Variants in YJEFN3 observed in about 807,000 individuals in gnomAD.
The protein encoded by YJEFN3 is YjeF N-terminal domain containing 3.
In YJEFN3, 29 loss-of-function variants were observed where a neutral mutation model predicts 31.5. The ratio of observed to expected loss-of-function variants is 0.92; its 90% CI spans 0.69 to 1.26. The LOEUF is 1.26. Among genes scored for constraint, YJEFN3 ranks in the 50% most tolerant of loss-of-function variants. The pLI, the probability that YJEFN3 is intolerant of heterozygous loss-of-function variation, is 0.00. For synonymous variants in YJEFN3, 227 were observed against 196.1 expected (o/e 1.16, Z -1.32); for missense variants, 442 against 425.4 (o/e 1.04, Z -0.34).
At chr19:19,530,115 G>C (rs1321790036) in intron 2 of YJEFN3, among the ~76,000 whole-genome samples, 1 of 152,170 alleles carries the variant, frequency 6.6e-6, no homozygotes, top group African/African-American at 2.4e-5. Context: ...TGGCCACCCT[G>C]GCCTGAGGTT....
Position 19,529,417 on chromosome 19 carries a change from C to G in YJEFN3, c.113C>G (p.Ser38Ter). 6.2e-7 allele frequency: 1 copy of G among 1,614,164 alleles called. No individual in the cohort carries two copies. Among genetic ancestry groups the G allele is most frequent in the Non-Finnish European group, 8.5e-7 (1 of 1,180,018 alleles). The change falls in exon 2 of 7, where the codon TCA (serine) becomes TGA (stop). Residue 38 changes from serine (S) to a stop codon, truncating the protein, a stop_gained. Coordinates refer to ENST00000514277, the MANE Select transcript of YJEFN3 (RefSeq NM_198537.4). LOFTEE classifies it high-confidence loss of function. ...GACATGGGAAGAGCGGAGCTTAGCTCAAATGCTACCACCTCCCTTGTCCAG... is the reference window on the plus strand; with the variant it reads ...GACATGGGAAGAGCGGAGCTTAGCTGAAATGCTACCACCTCCCTTGTCCAG... The part of the protein sequence containing the change: ...LADMGRAELS[S>*]NATTSLVQRR...
Position 19,537,346 on chromosome 19 carries a change from C to T in YJEFN3, c.722C>T (p.Ser241Leu), listed in dbSNP as rs200289592. Residue 241 changes from serine (S) to leucine (L), a missense_variant, in exon 7 of 7, where the codon TCG (serine) becomes TTG (leucine). Ser to Leu is a moderately radical substitution (Grantham distance 145). Coordinates refer to ENST00000514277, the MANE Select transcript of YJEFN3 (RefSeq NM_198537.4). ...TGGGACGCAGAGACCGGCAGCGATT[C>T]GGAGGACGGGCTGCGGCCTGACGTG... is the stretch of plus-strand genomic sequence containing the variant. ...SGWDAETGSD[S>L]EDGLRPDVLV... is the part of the protein sequence containing the mutation. 9.0e-4 allele frequency: 1,434 copies of T among 1,595,684 alleles called. 2 individuals carry two copies. Among genetic ancestry groups the T allele is most frequent in the Middle Eastern group, 2.2e-3 (13 of 6,034 alleles).
intron 6 of YJEFN3, 48 bp from the exon 7 acceptor site, chr19:19,537,271 G>GCAGGC (rs1568367112): frequency 9.4e-6 from 14 of 1,496,214 alleles, no homozygotes; most frequent in Non-Finnish European, 1.3e-5. Flanking sequence ...TAGGCTGAGG[G>GCAGGC]CAGGCCACCC....
At chr19:19,531,893 C>G (rs962406168) in intron 2 of YJEFN3, among the ~76,000 whole-genome samples, 14 of 151,848 alleles carry the variant, frequency 9.2e-5, no homozygotes, top group African/African-American at 3.1e-4. Flanking sequence ...CACCCACCAC[C>G]ATGCCTGGCT....
chr19:19,532,158 A>T (rs1452361700), intron 2 of YJEFN3, among the ~76,000 whole-genome samples: 1 of 151,930 alleles, frequency 6.6e-6, no homozygotes, highest in African/African-American at 2.4e-5. Context: ...AGCCTTAAAA[A>T]CCCATGGACC....
At chr19:19,532,597 G>A in intron 2 of YJEFN3, 35 bp from the exon 3 acceptor site, 1 of 1,406,328 alleles carries the variant, frequency 7.1e-7, no homozygotes, top group South Asian at 1.3e-5. Context: ...CTGTCTCTGT[G>A]TGTCTCTGAG....
At chr19:19,529,983 A>T (rs2144653808) in intron 2 of YJEFN3, among the ~76,000 whole-genome samples, 1 of 152,274 alleles carries the variant, frequency 6.6e-6, no homozygotes, top group East Asian at 1.9e-4. Flanking sequence ...CCCCAGGCTC[A>T]TGTTGAGTTT....
intron 3 of YJEFN3, chr19:19,533,654 T>C: frequency 1.0e-6 from 1 of 985,176 alleles, no homozygotes; most frequent in African/African-American, 1.7e-5. Context: ...CCTCCTCTTT[T>C]TCTTCTTATT....
In YJEFN3 at chr19:19,532,664, TGCTGGAGGATTATC is replaced by T; in HGVS notation, c.246_259del (p.Glu83TrpfsTer13). Reference sequence around the variant, plus strand: ...GAGGCAGCCGCCCTGGAGCGGGAGCTGCTGGAGGATTATCGCTTTGGGCGGCAGCAGCTCGTGGA... The same window carrying T: ...GAGGCAGCCGCCCTGGAGCGGGAGCTGCTTTGGGCGGCAGCAGCTCGTGGA... On this transcript the variant is annotated frameshift_variant, in exon 3 of 7. Coordinates refer to ENST00000514277, the MANE Select transcript of YJEFN3 (RefSeq NM_198537.4). LOFTEE classifies it high-confidence loss of function. The T allele has an allele frequency of 1.3e-6, 2 of 1,568,826 alleles. No individual in the cohort carries two copies. The highest frequency in any genetic ancestry group is 1.7e-6 in the Non-Finnish European group (2 of 1,163,454).
chr19:19,528,977 G>C lies in YJEFN3; in HGVS notation c.45G>C (p.Glu15Asp). ...CAGACCCGTCGGAGGCGCCCGAAGAGCGGCATTTCCTCAGGTCAGCTGGGG... is the reference window on the plus strand; with the variant it reads ...CAGACCCGTCGGAGGCGCCCGAAGACCGGCATTTCCTCAGGTCAGCTGGGG... ...AGPDPSEAPE[E>D]RHFLRALELQ... is the part of the protein sequence containing the mutation. The change falls in exon 1 of 7, where the codon GAG becomes GAC. Residue 15 changes from glutamate to aspartate, a missense_variant. Glu to Asp is a conservative substitution (Grantham distance 45, BLOSUM62 2). Transcript: ENST00000514277. 1 of 1,550,636 alleles carries C rather than the reference G, an allele frequency of 6.4e-7. No homozygotes were observed. The highest frequency in any genetic ancestry group is 8.7e-7 in the Non-Finnish European group (1 of 1,146,842).
chr19:19,529,781 G>A (rs2061136365), intron 2 of YJEFN3, among the ~76,000 whole-genome samples: 1 of 152,168 alleles, frequency 6.6e-6, no homozygotes, highest in African/African-American at 2.4e-5. Flanking sequence ...GCTAAGTGAG[G>A]GGAGTGAGGG....
At chr19:19,531,718 CTTTTTTTTTTTTTTTTTT>C (rs56747140) in intron 2 of YJEFN3, among the ~76,000 whole-genome samples, 2 of 75,852 alleles carry the variant, frequency 2.6e-5, no homozygotes, top group Admixed American at 1.8e-4. Flanking sequence ...AACAAATAAC[CTTTTTTTTTTTTTTTTTT>C]TTTTTTTTTT....
rs1222161740 is a variant in YJEFN3, at chr19:19,536,047, C to G, written c.694+368C>G. On this transcript the variant is annotated intron_variant, in intron 6 of 6. Coordinates refer to ENST00000514277, the MANE Select transcript of YJEFN3 (RefSeq NM_198537.4). ...GCAGACGGAACAAACAGCCGCTGGCCAGCCGGACCCTCCGTGGGGGTGGCT... is the reference window on the plus strand; with the variant it reads ...GCAGACGGAACAAACAGCCGCTGGCGAGCCGGACCCTCCGTGGGGGTGGCT... 7.7e-6 allele frequency: 4 copies of G among 521,050 alleles called. No individual in the cohort carries two copies. The African/African-American group carries it at 7.9e-5, about 10-fold the overall frequency. The allele number at this position is 521,050 out of a possible 1,614,324, so 32.3% of individuals were successfully genotyped here.
At chr19:19,535,505 C>T (rs2061199901) in intron 5 of YJEFN3, 24 bp from the exon 6 acceptor site, 4 of 1,609,234 alleles carry the variant, frequency 2.5e-6, no homozygotes, top group Admixed American at 3.3e-5. Context: ...CCTGGGCCAC[C>T]CTGACCCTGC....
At chr19:19,533,325 T>C in intron 3 of YJEFN3, 1 of 985,642 alleles carries the variant, frequency 1.0e-6, no homozygotes, top group Non-Finnish European at 1.2e-6. Context: ...GCATAATAAA[T>C]GGTACTGACG....
At position 19,533,809 on chromosome 19, in the gene YJEFN3, G is replaced by A. The variant is rs200388147; in HGVS notation, c.318+1069G>A. ...GAAAGAAACCCAGTAGTCACTACTC[G>A]CCTGGCGCTCAGTGGCCAACTGTCT... On this transcript the variant is annotated intron_variant, in intron 3 of 6. Coordinates refer to ENST00000514277, the MANE Select transcript of YJEFN3 (RefSeq NM_198537.4). 63 of 985,434 alleles carry A rather than the reference G, an allele frequency of 6.4e-5. No homozygotes were observed. The East Asian group carries it at 4.0e-3, about 62-fold the overall frequency. 61.0% of individuals were successfully genotyped at this position (985,434 alleles called of 1,614,324 possible).
chr19:19,533,951 TGC>T, intron 3 of YJEFN3: 2 of 985,606 alleles, frequency 2.0e-6, no homozygotes, highest in Non-Finnish European at 2.4e-6. Context: ...AGGTCAGGAC[TGC>T]GCTAAGCCTT....
intron 3 of YJEFN3, 99 bp downstream of exon 3, chr19:19,532,839 TC>T: frequency 1.7e-6 from 2 of 1,151,394 alleles, no homozygotes; most frequent in Non-Finnish European, 2.4e-6. Context: ...CCTCAAGAAC[TC>T]CCTTTTTGCT....
rs536423985 is a variant in YJEFN3, at chr19:19,528,982, A to G, written c.50A>G (p.His17Arg). Residue 17 changes from histidine to arginine, a missense_variant, in exon 1 of 7, where the codon CAT becomes CGT. Coordinates refer to ENST00000514277, the MANE Select transcript of YJEFN3 (RefSeq NM_198537.4). ...PDPSEAPEERHFLRALELQPP... is the reference protein window; with the variant it reads ...PDPSEAPEERRFLRALELQPP... Reference sequence around the variant, plus strand: ...CCGTCGGAGGCGCCCGAAGAGCGGCATTTCCTCAGGTCAGCTGGGGAGAGG... The same window carrying G: ...CCGTCGGAGGCGCCCGAAGAGCGGCGTTTCCTCAGGTCAGCTGGGGAGAGG... 3 of 1,550,546 alleles carry G rather than the reference A, an allele frequency of 1.9e-6. No homozygotes were observed.
Sources: allele counts gnomAD v4.1 joint callset (sites outside exome capture counted in the v4.1 genomes callset), GRCh38; gene constraint gnomAD v4.1.1; transcripts MANE v1.5; gene names NCBI Gene and HGNC (gene_info 2026-07-23, HGNC 2026-07-21).